The following ARHGEF28 variants were observed in gnomAD, a reference collection of about 807,000 sequenced individuals.
ARHGEF28 encodes 190 kDa guanine nucleotide exchange factor.
ARHGEF28 carries 152 observed loss-of-function variants against 206.6 expected under a neutral mutation model. The ratio of observed to expected loss-of-function variants is 0.74; its 90% CI spans 0.64 to 0.84. ARHGEF28 has a LOEUF of 0.84. Among genes scored for constraint, ARHGEF28 ranks in the 40% least tolerant of loss-of-function variants. The probability of loss-of-function intolerance (pLI) is 0.00; values close to 1 mark genes in which losing one functional copy is unlikely to be tolerated. For synonymous variants in ARHGEF28, 763 were observed against 776.4 expected (o/e 0.98, Z 0.29); for missense variants, 2,028 against 2,073.2 (o/e 0.98, Z 0.42).
Position 73,909,874 on chromosome 5 carries a change from G to T in ARHGEF28, c.4624G>T (p.Val1542Leu). Residue 1542 changes from valine to leucine, a missense_variant, in exon 34 of 36, where the codon GTG (valine) becomes TTG (leucine). Transcript: ENST00000513042. ...CGGCCGGCAGAGGAGCCTGCCCGCG[G>T]TGCTCCTTCCGGGTGGCCCCGAGGT... ...KHGRQRSLPA[V>L]LLPGGPEVME... is the part of the protein sequence containing the mutation. The T allele has an allele frequency of 1.3e-6, 2 of 1,520,460 alleles. No homozygotes were observed. The highest frequency in any genetic ancestry group is 1.3e-5 in the South Asian group (1 of 76,604). 94.2% of individuals were successfully genotyped at this position (1,520,460 alleles called of 1,614,324 possible). A position where few individuals can be genotyped will look rare whatever the true frequency, so the allele number is the denominator to read the frequency against.
chr5:73,800,319 A>G (rs1336309155), intron 9 of ARHGEF28, among the ~76,000 whole-genome samples: 1 of 152,208 alleles, frequency 6.6e-6, no homozygotes, highest in Non-Finnish European at 1.5e-5. Context: ...ATGTTTTAAT[A>G]AAGCATGTGG....
chr5:73,937,456 C>T (rs898533227), intron 35 of ARHGEF28, among the ~76,000 whole-genome samples: 4 of 152,160 alleles, frequency 2.6e-5, no homozygotes, highest in Non-Finnish European at 1.5e-5. Context: ...TAATAATGCT[C>T]GCTCTGTTTA....
intron 22 of ARHGEF28, among the ~76,000 whole-genome samples, chr5:73,875,625 G>T (rs1462408634): frequency 6.6e-6 from 1 of 152,052 alleles, no homozygotes; most frequent in African/African-American, 2.4e-5. Context: ...TCCAGTTTCA[G>T]CTTTCTACAT....
chr5:73,820,797 C>T (rs75174543), intron 9 of ARHGEF28, among the ~76,000 whole-genome samples: 7,220 of 152,176 alleles, frequency 0.047, 246 homozygotes, highest in African/African-American at 0.088. Flanking sequence ...TTATGGGATC[C>T]CATTCTCACC....
At chr5:73,813,529 C>A in intron 9 of ARHGEF28, 1 of 1,529,422 alleles carries the variant, frequency 6.5e-7, no homozygotes, top group Non-Finnish European at 8.8e-7. Context: ...TGGCTGGGGA[C>A]GCCCCGAGTT....
At chr5:73,811,434 AG>A (rs554920892) in intron 9 of ARHGEF28, among the ~76,000 whole-genome samples, 22 of 152,346 alleles carry the variant, frequency 1.4e-4, no homozygotes, top group Middle Eastern at 3.4e-3. Flanking sequence ...CTTCATCCAC[AG>A]GGTAAAGGTC....
At chr5:73,632,890 G>C (rs984203996) in intron 1 of ARHGEF28, among the ~76,000 whole-genome samples, 1 of 152,072 alleles carries the variant, frequency 6.6e-6, no homozygotes, top group Admixed American at 6.6e-5. Flanking sequence ...ATGGTTTCAG[G>C]ATGATTCAAG....
chr5:73,909,689 A>G lies in ARHGEF28; in HGVS notation c.4439A>G (p.Gln1480Arg), dbSNP rs1352955001. 2.0e-6 allele frequency: 3 copies of G among 1,536,066 alleles called. No homozygotes were observed. The highest frequency in any genetic ancestry group is 2.7e-5 in the African/African-American group (2 of 72,832). Residue 1480 changes from glutamine (Q) to arginine (R), a missense_variant, in exon 34 of 36, where the codon CAG becomes CGG. Transcript: ENST00000513042. The part of the protein sequence containing the change: ...SWLQEREREC[Q>R]SQEELLLRSR... ...CTGCAGGAGCGGGAGCGGGAGTGCC[A>G]GTCGCAGGAGGAGCTGCTGCTGCGG...
intron 31 of ARHGEF28, chr5:73,903,350 T>G (rs976867301): frequency 6.6e-6 from 1 of 152,182 alleles, no homozygotes; most frequent in Admixed American, 6.5e-5. Context: ...CGAGTTCAAC[T>G]GGGAGTCATT....
At chr5:73,646,206 A>C (rs1744411661) in intron 1 of ARHGEF28, among the ~76,000 whole-genome samples, 1 of 152,292 alleles carries the variant, frequency 6.6e-6, no homozygotes, top group South Asian at 2.1e-4. Context: ...ACAGGCTTTA[A>C]TTCTGACACA....
chr5:73,910,313 G>A (rs1361829974), intron 34 of ARHGEF28, among the ~76,000 whole-genome samples: 3 of 148,738 alleles, frequency 2.0e-5, no homozygotes, highest in South Asian at 2.1e-4. Flanking sequence ...CCCATGAGGC[G>A]GAGGTTGCAG....
intron 2 of ARHGEF28, among the ~76,000 whole-genome samples, chr5:73,702,401 C>G (rs753267965): frequency 6.6e-6 from 1 of 152,210 alleles, no homozygotes; most frequent in African/African-American, 2.4e-5. Context: ...AGCTGAAACT[C>G]GGTATCCTCT....
intron 28 of ARHGEF28, among the ~76,000 whole-genome samples, chr5:73,894,041 A>T (rs1407008874): frequency 6.6e-6 from 1 of 152,222 alleles, no homozygotes; most frequent in African/African-American, 2.4e-5. Context: ...CTCATCATGG[A>T]CAGGGCCGCC....
rs574817983 is a variant in ARHGEF28, at chr5:73,927,601, C to A, written c.4949-13243C>A. 3.3e-5 allele frequency among the ~76,000 whole-genome samples: 5 copies of A among 152,226 alleles called. No homozygotes were observed. In the East Asian group the frequency reaches 9.7e-4, roughly 29 times the overall value. On this transcript the variant is annotated intron_variant, in intron 35 of 35. Coordinates refer to ENST00000513042, the MANE Select transcript of ARHGEF28 (RefSeq NM_001177693.2). Reference sequence around the variant, plus strand: ...CTGAGACTCCTGGGTTCAAGTGATCCCCCTGCCTCAGCCTCCTCAGTAGCT... The same window carrying A: ...CTGAGACTCCTGGGTTCAAGTGATCACCCTGCCTCAGCCTCCTCAGTAGCT...
intron 5 of ARHGEF28, among the ~76,000 whole-genome samples, chr5:73,774,651 G>A (rs771159427): frequency 5.9e-5 from 9 of 152,154 alleles, no homozygotes; most frequent in Non-Finnish European, 1.0e-4. Flanking sequence ...AATGTTCTCT[G>A]TGTTAATGAG....
intron 16 of ARHGEF28, among the ~76,000 whole-genome samples, chr5:73,860,120 G>T (rs1454303592): frequency 6.6e-6 from 1 of 152,030 alleles, no homozygotes; most frequent in African/African-American, 2.4e-5. Flanking sequence ...TACCATCTGG[G>T]TTGTCTCCTT....
chr5:73,631,529 G>A (rs186846440), intron 1 of ARHGEF28, among the ~76,000 whole-genome samples: 1 of 152,196 alleles, frequency 6.6e-6, no homozygotes, highest in African/African-American at 2.4e-5. Context: ...AATCTCTCAA[G>A]TGGACCTGGC....
Position 73,846,258 on chromosome 5 carries a change from T to G in ARHGEF28, c.1428-10T>G. The G allele has an allele frequency of 6.2e-7, 1 of 1,612,578 alleles. No individual in the cohort carries two copies. Among genetic ancestry groups the G allele is most frequent in the Non-Finnish European group, 8.5e-7 (1 of 1,179,400 alleles). On this transcript the variant is annotated splice_polypyrimidine_tract_variant and intron_variant, in intron 11 of 35. Coordinates refer to ENST00000513042, the MANE Select transcript of ARHGEF28 (RefSeq NM_001177693.2). ...TGCTTCTTTACTTACTTGCTGGCTT[T>G]GTGCTTTAGTTCTAGCCTTGATGCC...
At chr5:73,878,508 T>C (rs1303220576) in intron 22 of ARHGEF28, among the ~76,000 whole-genome samples, 3 of 152,118 alleles carry the variant, frequency 2.0e-5, no homozygotes, top group Non-Finnish European at 4.4e-5. Flanking sequence ...TGATGCAGTC[T>C]CTTCCTAGTC....
Sources: gnomAD v4.1 joint callset for allele counts (sites outside exome capture counted in the v4.1 genomes callset) on GRCh38, gnomAD v4.1.1 for gene constraint, MANE v1.5 for transcripts, NCBI Gene and HGNC (gene_info 2026-07-23, HGNC 2026-07-21) for gene names.